MAGI2: variants seen among roughly 807,000 people sequenced by gnomAD.
MAGI2 encodes membrane-associated guanylate kinase, WW and PDZ domain-containing protein 2.
A neutral mutation model predicts 133.3 loss-of-function variants in MAGI2; 35 were observed. The ratio of observed to expected loss-of-function variants is 0.26; its 90% CI spans 0.20 to 0.35. The LOEUF (loss-of-function observed/expected upper bound fraction) is 0.35. Ranked by LOEUF, MAGI2 falls within the 10% of genes least tolerant of loss-of-function variation. The pLI is 1.00. For synonymous variants in MAGI2, 729 were observed against 710.6 expected, an observed-to-expected ratio of 1.03 and a Z score of -0.41; for missense variants, 1,636 against 1,863.4, an observed-to-expected ratio of 0.88 and a Z score of 2.25.
chr7:78,482,284 C>T (rs950022133), intron 6 of MAGI2, among the ~76,000 whole-genome samples: 4 of 151,922 alleles, frequency 2.6e-5, no homozygotes, highest in African/African-American at 9.7e-5. Flanking sequence ...AATTGGATCA[C>T]TTGTTCACTG....
intron 5 of MAGI2, among the ~76,000 whole-genome samples, chr7:78,493,357 C>T (rs1288719228): frequency 6.6e-6 from 1 of 152,198 alleles, no homozygotes; most frequent in African/African-American, 2.4e-5. Context: ...AAGCTATTTA[C>T]AGTGCAGCAC....
intron 2 of MAGI2, among the ~76,000 whole-genome samples, chr7:78,724,404 A>G (rs1295479816): frequency 6.6e-6 from 1 of 152,196 alleles, no homozygotes; most frequent in Non-Finnish European, 1.5e-5. Context: ...AGCACCTATG[A>G]TGGTACCATA....
chr7:79,135,179 G>A (rs1821278960), intron 1 of MAGI2, among the ~76,000 whole-genome samples: 1 of 151,948 alleles, frequency 6.6e-6, no homozygotes, highest in Non-Finnish European at 1.5e-5. Flanking sequence ...TAAGAATGGT[G>A]GTCAGCACAA....
chr7:78,976,723 AC>A (rs1317742101), intron 2 of MAGI2, among the ~76,000 whole-genome samples: 7 of 147,766 alleles, frequency 4.7e-5, no homozygotes, highest in Non-Finnish European at 1.1e-4. Context: ...CAAAAAAAAA[AC>A]AAAAACAAAA....
chr7:78,919,364 T>G (rs778775209), intron 2 of MAGI2, among the ~76,000 whole-genome samples: 22 of 152,076 alleles, frequency 1.4e-4, no homozygotes, highest in Admixed American at 3.3e-4. Context: ...ACCTCATGTT[T>G]AAAAGAAATA....
intron 3 of MAGI2, among the ~76,000 whole-genome samples, chr7:78,610,618 T>C (rs1806333861): frequency 6.6e-6 from 1 of 152,246 alleles, no homozygotes; most frequent in Non-Finnish European, 1.5e-5. Context: ...AGAACTTAAA[T>C]TTTTAAGATT....
intron 2 of MAGI2, among the ~76,000 whole-genome samples, chr7:78,996,086 A>G (rs990277882): frequency 4.6e-5 from 7 of 152,154 alleles, no homozygotes; most frequent in Non-Finnish European, 8.8e-5. Context: ...GGAGTTTCAT[A>G]CTTAGGAATG....
At chr7:79,274,850 T>C (rs1232240702) in intron 1 of MAGI2, among the ~76,000 whole-genome samples, 2 of 152,190 alleles carry the variant, frequency 1.3e-5, no homozygotes, top group Non-Finnish European at 2.9e-5. Context: ...TTATTATGTC[T>C]GTTATTGTGA....
In MAGI2 at chr7:79,318,338, G is replaced by A. The variant is rs186217026; in HGVS notation, c.301+134682C>T. On this transcript the variant is annotated intron_variant, in intron 1 of 21. Coordinates refer to ENST00000354212, the MANE Select transcript of MAGI2 (RefSeq NM_012301.4). ...TTTCTTAAAAAAAGGTGCTGGCCAA[G>A]TGGGTTATAATTTATTTGTCTCATT... 3.8e-4 allele frequency among the ~76,000 whole-genome samples: 58 copies of A among 152,218 alleles called. No homozygotes were observed. The East Asian group carries it at 0.011, about 28-fold the overall frequency.
intron 2 of MAGI2, among the ~76,000 whole-genome samples, chr7:78,637,442 A>T (rs1385355271): frequency 1.3e-5 from 2 of 150,800 alleles, no homozygotes; most frequent in Non-Finnish European, 3.0e-5. Flanking sequence ...AAAAAAAAAA[A>T]TAAGCATCTA....
chr7:79,440,937 T>C (rs1199627491), intron 1 of MAGI2, among the ~76,000 whole-genome samples: 1 of 152,212 alleles, frequency 6.6e-6, no homozygotes, highest in African/African-American at 2.4e-5. Context: ...AGGCATCACG[T>C]CCATGTGGAG....
intron 2 of MAGI2, among the ~76,000 whole-genome samples, chr7:78,689,567 G>A (rs527749703): frequency 4.0e-5 from 6 of 151,518 alleles, no homozygotes; most frequent in South Asian, 2.1e-4. Context: ...TCTCTGTCTC[G>A]CCCACATGAC....
At chr7:78,022,308 A>G (rs1808475949) in intron 21 of MAGI2, among the ~76,000 whole-genome samples, 1 of 152,214 alleles carries the variant, frequency 6.6e-6, no homozygotes. Context: ...TCTGACTTGG[A>G]CCATGGTAAT....
intron 2 of MAGI2, among the ~76,000 whole-genome samples, chr7:78,655,472 A>AAC (rs1413284409): frequency 2.7e-5 from 4 of 150,784 alleles, no homozygotes; most frequent in African/African-American, 4.8e-5. Flanking sequence ...AAAAAAAAAA[A>AAC]AAACCACCAG....
chr7:79,430,061 T>G (rs1417853421), intron 1 of MAGI2, among the ~76,000 whole-genome samples: 1 of 152,014 alleles, frequency 6.6e-6, no homozygotes, highest in Non-Finnish European at 1.5e-5. Context: ...TGGAAGAAAA[T>G]AATATTCTAA....
At chr7:78,344,234 C>T (rs965128031) in intron 8 of MAGI2, among the ~76,000 whole-genome samples, 3 of 152,146 alleles carry the variant, frequency 2.0e-5, no homozygotes, top group Admixed American at 6.5e-5. Context: ...TTAAGTTAGC[C>T]TTCTTGTGCT....
At chr7:79,330,540 A>T (rs1026296089) in intron 1 of MAGI2, among the ~76,000 whole-genome samples, 2 of 152,116 alleles carry the variant, frequency 1.3e-5, no homozygotes, top group African/African-American at 4.8e-5. Context: ...GAGTCACTTT[A>T]TACTGAGGAT....
chr7:78,566,826 G>A (rs768738418), intron 3 of MAGI2, among the ~76,000 whole-genome samples: 2 of 151,944 alleles, frequency 1.3e-5, no homozygotes, highest in Non-Finnish European at 2.9e-5. Flanking sequence ...ATTATTTATA[G>A]CATCAAGGCC....
intron 6 of MAGI2, among the ~76,000 whole-genome samples, chr7:78,481,061 G>C (rs75318979): frequency 0.065 from 9,821 of 151,902 alleles, 777 homozygotes; most frequent in African/African-American, 0.19. Context: ...TTCTAGAAAA[G>C]CTTCTCCTAA....
Sources: gnomAD v4.1 joint callset for allele counts (sites outside exome capture counted in the v4.1 genomes callset) on GRCh38, gnomAD v4.1.1 for gene constraint, MANE v1.5 for transcripts, NCBI Gene and HGNC (gene_info 2026-07-23, HGNC 2026-07-21) for gene names.